Variants in MAPKAP1 observed in about 807,000 individuals in gnomAD.
MAPKAP1 encodes target of rapamycin complex 2 subunit MAPKAP1.
MAPKAP1 carries 20 observed loss-of-function variants against 65.7 expected under a neutral mutation model. The ratio of observed to expected loss-of-function variants is 0.30; its 90% CI spans 0.21 to 0.44. MAPKAP1 has a LOEUF of 0.44. Ranked by LOEUF, MAPKAP1 falls within the 20% of genes least tolerant of loss-of-function variation. The pLI, the probability that MAPKAP1 is intolerant of heterozygous loss-of-function variation, is 1.00. For missense variants in MAPKAP1, 423 were observed against 648.0 expected (o/e 0.65, Z 3.77); for synonymous variants, 222 against 244.3 (o/e 0.91, Z 0.85).
chr9:125,699,637 A>G (rs1835536910), intron 1 of MAPKAP1, among the ~76,000 whole-genome samples: 2 of 136,452 alleles, frequency 1.5e-5, no homozygotes, highest in African/African-American at 5.4e-5. Flanking sequence ...TTTGATTTTG[A>G]TTTTTTTTTT....
chr9:125,567,344 A>G lies in MAPKAP1; in HGVS notation c.672-7535T>C, dbSNP rs1048697718. Among the ~76,000 whole-genome samples the G allele has an allele frequency of 2.0e-5, 3 of 152,338 alleles. No individual in the cohort carries two copies. The South Asian group carries it at 6.2e-4, about 32-fold the overall frequency. ...TACAGGTCATAAAGACATTGCTGATAAAAGGTTGCAGTAATGGAGCCAGCT... is the reference window on the plus strand; with the variant it reads ...TACAGGTCATAAAGACATTGCTGATGAAAGGTTGCAGTAATGGAGCCAGCT... On this transcript the variant is annotated intron_variant, in intron 5 of 11. Coordinates refer to ENST00000265960, the MANE Select transcript of MAPKAP1 (RefSeq NM_001006617.3).
At chr9:125,577,990 GGGGGGAAAGGT>G (rs1831497296) in intron 5 of MAPKAP1, among the ~76,000 whole-genome samples, 1 of 151,918 alleles carries the variant, frequency 6.6e-6, no homozygotes, top group African/African-American at 2.4e-5. Context: ...GGAATAGAAA[GGGGGGAAAGGT>G]GGGGAAAAGA....
intron 4 of MAPKAP1, among the ~76,000 whole-genome samples, chr9:125,656,833 C>A (rs1458780312): frequency 6.6e-6 from 1 of 152,144 alleles, no homozygotes; most frequent in Non-Finnish European, 1.5e-5. Flanking sequence ...CAGGTCAGCA[C>A]AGAGACACAA....
chr9:125,614,923 T>A (rs553442676), intron 4 of MAPKAP1, among the ~76,000 whole-genome samples: 1 of 152,144 alleles, frequency 6.6e-6, no homozygotes, highest in Admixed American at 6.5e-5. Flanking sequence ...TTTTTAAATT[T>A]TCAGCTCTGT....
intron 2 of MAPKAP1, among the ~76,000 whole-genome samples, chr9:125,671,456 C>T (rs1834495432): frequency 6.6e-6 from 1 of 152,052 alleles, no homozygotes. Context: ...TATCTCCTTG[C>T]CATTACCTTT....
chr9:125,663,729 A>C (rs1400775938), intron 3 of MAPKAP1, among the ~76,000 whole-genome samples: 1 of 152,098 alleles, frequency 6.6e-6, no homozygotes, highest in African/African-American at 2.4e-5. Flanking sequence ...AAAGAAGCCA[A>C]GACAAGATGG....
At chr9:125,523,636 T>C (rs1001279475) in intron 7 of MAPKAP1, among the ~76,000 whole-genome samples, 1 of 152,232 alleles carries the variant, frequency 6.6e-6, no homozygotes, top group South Asian at 2.1e-4. Flanking sequence ...AAAAAAGCTG[T>C]GTGAATTTAA....
chr9:125,553,115 A>C (rs945317385), intron 6 of MAPKAP1, among the ~76,000 whole-genome samples: 1 of 152,072 alleles, frequency 6.6e-6, no homozygotes, highest in African/African-American at 2.4e-5. Flanking sequence ...ATACAGATAT[A>C]GGCCCCTCCT....
At chr9:125,493,240 C>T (rs925689518) in intron 8 of MAPKAP1, among the ~76,000 whole-genome samples, 1 of 152,198 alleles carries the variant, frequency 6.6e-6, no homozygotes, top group African/African-American at 2.4e-5. Context: ...TGCTACTCCC[C>T]ACGCAGAAGC....
intron 4 of MAPKAP1, among the ~76,000 whole-genome samples, chr9:125,603,701 G>A (rs1202553390): frequency 2.0e-5 from 3 of 152,148 alleles, no homozygotes; most frequent in Non-Finnish European, 4.4e-5. Context: ...AATAGATATG[G>A]CTAATTTGTC....
chr9:125,554,778 A>C (rs2133200577), intron 6 of MAPKAP1, among the ~76,000 whole-genome samples: 1 of 142,146 alleles, frequency 7.0e-6, no homozygotes, highest in Admixed American at 7.2e-5. Context: ...ACTAGGCCAC[A>C]CAGCAAGACA....
chr9:125,605,542 T>C (rs1054442140), intron 4 of MAPKAP1, among the ~76,000 whole-genome samples: 6 of 152,170 alleles, frequency 3.9e-5, no homozygotes, highest in South Asian at 2.1e-4. Context: ...TTGCATTCAC[T>C]GGTATTACTG....
At chr9:125,696,087 ACT>A (rs1226208747) in intron 1 of MAPKAP1, 1 of 152,130 alleles carries the variant, frequency 6.6e-6, no homozygotes, top group African/African-American at 2.4e-5. Context: ...ATATTTTAAC[ACT>A]CATATTTTTA....
intron 4 of MAPKAP1, among the ~76,000 whole-genome samples, chr9:125,608,812 AT>A (rs1832514098): frequency 6.6e-6 from 1 of 152,216 alleles, no homozygotes; most frequent in Non-Finnish European, 1.5e-5. Flanking sequence ...AACGTTTCAA[AT>A]AAGCCAATTT....
intron 1 of MAPKAP1, among the ~76,000 whole-genome samples, chr9:125,682,375 C>A (rs1342221913): frequency 6.6e-6 from 1 of 152,164 alleles, no homozygotes; most frequent in Non-Finnish European, 1.5e-5. Context: ...CTATAAAGTT[C>A]TAAGCACAAG....
chr9:125,562,728 A>G (rs1443093502), intron 5 of MAPKAP1, among the ~76,000 whole-genome samples: 2 of 152,248 alleles, frequency 1.3e-5, no homozygotes, highest in Admixed American at 1.3e-4. Flanking sequence ...GCTTAGATAT[A>G]TAAGCTCACT....
intron 1 of MAPKAP1, among the ~76,000 whole-genome samples, chr9:125,690,843 G>C (rs7022746): frequency 6.6e-6 from 1 of 152,198 alleles, no homozygotes; most frequent in African/African-American, 2.4e-5. Context: ...GCATTACAGA[G>C]AGACTTCCTC....
chr9:125,625,255 T>TAAAAAAAAAAAAAAA (rs58671780), intron 4 of MAPKAP1, among the ~76,000 whole-genome samples: 1 of 64,712 alleles, frequency 1.5e-5, no homozygotes, highest in African/African-American at 5.9e-5. Context: ...AATAAATAAA[T>TAAAAAAAAAAAAAAA]AAAAAAAAAA....
At position 125,586,727 on chromosome 9, in the gene MAPKAP1, C is replaced by T. The variant is rs569693033; in HGVS notation, c.499-1000G>A. 1.7e-4 allele frequency among the ~76,000 whole-genome samples: 26 copies of T among 152,278 alleles called. 1 individual carries two copies. The South Asian group carries it at 5.2e-3, about 30-fold the overall frequency. ...TCCCCTCCCTCACAGAAGGCTTGCA[C>T]ACTGGCTCAGTCTTCCTTCCCACCC... On this transcript the variant is annotated intron_variant, in intron 4 of 11. Coordinates refer to ENST00000265960, the MANE Select transcript of MAPKAP1 (RefSeq NM_001006617.3).
Sources: gnomAD v4.1 joint callset for allele counts (sites outside exome capture counted in the v4.1 genomes callset) on GRCh38, gnomAD v4.1.1 for gene constraint, MANE v1.5 for transcripts, NCBI Gene and HGNC (gene_info 2026-07-23, HGNC 2026-07-21) for gene names.